KLF7: variants seen among roughly 807,000 people sequenced by gnomAD.
The protein encoded by KLF7 is Krueppel-like factor 7.
Under a neutral mutation model 27.3 loss-of-function variants are expected in KLF7, and 2 were observed. The ratio of observed to expected loss-of-function variants is 0.07; its 90% confidence interval spans 0.03 to 0.23. The LOEUF (loss-of-function observed/expected upper bound fraction) is 0.23, where lower values mean the gene tolerates loss of function less well. KLF7 is among the 10% of genes least tolerant of loss of function. The probability of loss-of-function intolerance (pLI) is 1.00; values close to 1 mark genes in which losing one functional copy is unlikely to be tolerated. For missense variants in KLF7, 221 were observed against 394.1 expected, an observed-to-expected ratio of 0.56 and a Z score of 3.72; for synonymous variants, 165 against 162.4, an observed-to-expected ratio of 1.02 and a Z score of -0.12.
chr2:207,086,570 A>C (rs1438426964), intron 3 of KLF7, among the ~76,000 whole-genome samples: 1 of 152,246 alleles, frequency 6.6e-6, no homozygotes, highest in African/African-American at 2.4e-5. Context: ...AACAAAGCAA[A>C]AGACTAACCA....
At chr2:207,104,299 T>G (rs937971827) in intron 2 of KLF7, among the ~76,000 whole-genome samples, 7 of 152,238 alleles carry the variant, frequency 4.6e-5, no homozygotes, top group African/African-American at 1.7e-4. Flanking sequence ...ATGTCTATAT[T>G]TTCCTTCCTC....
intron 2 of KLF7, among the ~76,000 whole-genome samples, chr2:207,096,943 T>C (rs1427331785): frequency 5.9e-5 from 9 of 152,214 alleles, no homozygotes; most frequent in Non-Finnish European, 4.4e-5. Context: ...CTCAAACTTA[T>C]TAGAATTCCC....
At chr2:207,084,593 T>A (rs757755921) in intron 3 of KLF7, among the ~76,000 whole-genome samples, 15 of 152,212 alleles carry the variant, frequency 9.9e-5, no homozygotes, top group Non-Finnish European at 1.9e-4. Flanking sequence ...TTGAGGTTTT[T>A]ATTTAAATTC....
chr2:207,164,759 A>G (rs1215265723), intron 1 of KLF7, among the ~76,000 whole-genome samples: 1 of 152,060 alleles, frequency 6.6e-6, no homozygotes, highest in Non-Finnish European at 1.5e-5. Flanking sequence ...CTAGAGAAGG[A>G]CCCTAAACAA....
intron 3 of KLF7, among the ~76,000 whole-genome samples, chr2:207,086,118 T>C (rs1469006158): frequency 6.6e-6 from 1 of 152,080 alleles, no homozygotes; most frequent in Non-Finnish European, 1.5e-5. Context: ...AACTTCTAAA[T>C]AGGGCAGTGT....
rs570919114 is a variant in KLF7, at chr2:207,078,586, T to G, written c.*2627A>C. 6.6e-6 allele frequency: 1 copy of G among 152,344 alleles called. No individual in the cohort carries two copies. Among genetic ancestry groups the G allele is most frequent in the East Asian group, 1.9e-4 (1 of 5,184 alleles). The allele number at this position is 152,344 out of a possible 1,614,324, so 9.4% of individuals were successfully genotyped here. ...GCAGCTCCAGCTTGGGAGAGAACAT[T>G]TGCAAATCGTGGTGGCCATGGCTTA... On this transcript the variant is annotated 3_prime_UTR_variant, in exon 4 of 4. Coordinates refer to ENST00000309446, the MANE Select transcript of KLF7 (RefSeq NM_003709.4).
chr2:207,147,589 G>A (rs2078129935), intron 1 of KLF7, among the ~76,000 whole-genome samples: 1 of 152,110 alleles, frequency 6.6e-6, no homozygotes, highest in African/African-American at 2.4e-5. Flanking sequence ...TGGGGCGGAG[G>A]AGTCTGAAGG....
At chr2:207,169,582 A>G (rs1392972452), upstream of KLF7, among the ~76,000 whole-genome samples, 1 of 152,192 alleles carries the variant, frequency 6.6e-6, no homozygotes, top group East Asian at 1.9e-4. Flanking sequence ...ACATAGCTTT[A>G]TTATGCCTTG....
At position 207,114,575 on chromosome 2, in the gene KLF7, G is replaced by A. The variant is rs181585010; in HGVS notation, c.733+9199C>T. On this transcript the variant is annotated intron_variant, in intron 2 of 3. Coordinates refer to ENST00000309446, the MANE Select transcript of KLF7 (RefSeq NM_003709.4). ...TGTACCAGAGTCAAGCTTTTTCTTG[G>A]TTCTATTCATTAAGACACAGATAGA... 4.0e-3 allele frequency among the ~76,000 whole-genome samples: 611 copies of A among 152,198 alleles called. 4 individuals carry two copies. The highest frequency in any genetic ancestry group is 7.1e-3 in the Non-Finnish European group (480 of 67,998).
intron 2 of KLF7, among the ~76,000 whole-genome samples, chr2:207,101,242 G>A (rs2076758000): frequency 6.6e-6 from 1 of 152,198 alleles, no homozygotes; most frequent in African/African-American, 2.4e-5. Flanking sequence ...GCCAACCAAT[G>A]ACACTGCTAG....
At chr2:207,088,797 A>G (rs2076446988) in intron 2 of KLF7, among the ~76,000 whole-genome samples, 1 of 152,096 alleles carries the variant, frequency 6.6e-6, no homozygotes, top group Admixed American at 6.5e-5. Flanking sequence ...TAACCTTCAA[A>G]AGTGGTTTCA....
At chr2:207,147,544 T>G (rs1231417018) in intron 1 of KLF7, among the ~76,000 whole-genome samples, 1 of 152,150 alleles carries the variant, frequency 6.6e-6, no homozygotes, top group Non-Finnish European at 1.5e-5. Flanking sequence ...TGGCTTTTCA[T>G]TTTAACAGCT....
chr2:207,134,147 T>C, intron 1 of KLF7: 2 of 1,437,774 alleles, frequency 1.4e-6, no homozygotes, highest in Non-Finnish European at 1.8e-6. Flanking sequence ...TGACTCGGGC[T>C]ACTGGGATTT....
intron 3 of KLF7, among the ~76,000 whole-genome samples, chr2:207,083,683 T>C (rs951902179): frequency 1.3e-5 from 2 of 152,174 alleles, no homozygotes; most frequent in African/African-American, 4.8e-5. Flanking sequence ...GGTTACATGA[T>C]AAAGAATTAA....
chr2:207,134,000 GCTC>G, intron 1 of KLF7: 2 of 1,253,548 alleles, frequency 1.6e-6, no homozygotes, highest in South Asian at 2.8e-5. Context: ...ACCCCCACCC[GCTC>G]CTGTTAACTT....
At chr2:207,123,104 A>G (rs1012584961) in intron 2 of KLF7, among the ~76,000 whole-genome samples, 2 of 152,140 alleles carry the variant, frequency 1.3e-5, no homozygotes, top group East Asian at 1.9e-4. Flanking sequence ...TGCCCTGAGT[A>G]AAATACACAA....
chr2:207,134,228 A>G, intron 1 of KLF7: 1 of 1,021,596 alleles, frequency 9.8e-7, no homozygotes, highest in Admixed American at 3.1e-5. Flanking sequence ...TCTCCTTCTC[A>G]GTTGGGTTAA....
intron 1 of KLF7, among the ~76,000 whole-genome samples, chr2:207,156,352 C>T (rs1288757556): frequency 6.6e-6 from 1 of 152,188 alleles, no homozygotes; most frequent in Non-Finnish European, 1.5e-5. Flanking sequence ...TATTTTTGCT[C>T]CTCTTACTAG....
At chr2:207,090,617 C>G (rs1175903783) in intron 2 of KLF7, among the ~76,000 whole-genome samples, 1 of 151,938 alleles carries the variant, frequency 6.6e-6, no homozygotes, top group Non-Finnish European at 1.5e-5. Flanking sequence ...TAAAATCCTT[C>G]AGAGCTCATG....
Sources: gnomAD v4.1 joint callset for allele counts (sites outside exome capture counted in the v4.1 genomes callset) on GRCh38, gnomAD v4.1.1 for gene constraint, MANE v1.5 for transcripts, NCBI Gene and HGNC (gene_info 2026-07-23, HGNC 2026-07-21) for gene names.